EFCAB6: variants seen among roughly 807,000 people sequenced by gnomAD.
EFCAB6 encodes the protein EF-hand calcium-binding domain-containing protein 6.
Under a neutral mutation model 169.8 loss-of-function variants are expected in EFCAB6, and 156 were observed. The observed-to-expected ratio is 0.92, with a 90% CI of 0.81 to 1.05. EFCAB6 has a LOEUF of 1.05. Among genes scored for constraint, EFCAB6 ranks in the 50% least tolerant of loss-of-function variants. The pLI, the probability that EFCAB6 is intolerant of heterozygous loss-of-function variation, is 0.00. For synonymous variants in EFCAB6, 698 were observed against 676.4 expected, an observed-to-expected ratio of 1.03 and a Z score of -0.50; for missense variants, 1,800 against 1,829.1, an observed-to-expected ratio of 0.98 and a Z score of 0.29.
In EFCAB6 at chr22:43,628,994, A is replaced by G. The variant is rs2054728338; in HGVS notation, c.2233-2315T>C. On this transcript the variant is annotated intron_variant, in intron 19 of 31. Coordinates refer to ENST00000262726, the MANE Select transcript of EFCAB6 (RefSeq NM_022785.4). The surrounding 1 kb of genome is among the most constrained non-coding windows in gnomAD (Gnocchi z 4.8). ...GAGCAGCATTTCCTAGGCACAAAGC[A>G]CTCTGCTGGGTACACAGACACCATA... is the stretch of plus-strand genomic sequence containing the variant. Among the ~76,000 whole-genome samples, 3 of 151,996 alleles carry G rather than the reference A, an allele frequency of 2.0e-5. No homozygotes were observed. Among genetic ancestry groups the G allele is most frequent in the Admixed American group, 1.3e-4 (2 of 15,260 alleles).
intron 17 of EFCAB6, among the ~76,000 whole-genome samples, chr22:43,654,978 C>T (rs562425349): frequency 1.8e-4 from 28 of 152,298 alleles, no homozygotes; most frequent in Non-Finnish European, 3.5e-4. Context: ...ACATGTGAGG[C>T]CAGGCGCTGT....
intron 9 of EFCAB6, among the ~76,000 whole-genome samples, chr22:43,712,932 C>T (rs1490377965): frequency 2.6e-5 from 4 of 151,960 alleles, no homozygotes. Context: ...AAGTACAAGC[C>T]TTTGTTTAAA....
chr22:43,653,374 C>T (rs757426774), intron 17 of EFCAB6, among the ~76,000 whole-genome samples: 1 of 152,100 alleles, frequency 6.6e-6, no homozygotes, highest in Non-Finnish European at 1.5e-5. Flanking sequence ...GATTTATCAA[C>T]AAAACTGATA....
At chr22:43,627,901 A>C (rs1239626732) in intron 19 of EFCAB6, among the ~76,000 whole-genome samples, 1 of 152,162 alleles carries the variant, frequency 6.6e-6, no homozygotes, top group Non-Finnish European at 1.5e-5. Context: ...TCAGTACCTA[A>C]TATGTGCAAT....
At chr22:43,773,645 C>G (rs190946958) in intron 3 of EFCAB6, among the ~76,000 whole-genome samples, 1 of 152,274 alleles carries the variant, frequency 6.6e-6, no homozygotes, top group Non-Finnish European at 1.5e-5. Flanking sequence ...GTCAGGAGTT[C>G]GAGACCAGCC....
At chr22:43,601,388 T>C (rs1300272454) in intron 22 of EFCAB6, among the ~76,000 whole-genome samples, 1 of 152,236 alleles carries the variant, frequency 6.6e-6, no homozygotes, top group Non-Finnish European at 1.5e-5. Flanking sequence ...ATCTAATCGA[T>C]AAAAATGGCA....
At chr22:43,780,744 C>T (rs945082250) in intron 3 of EFCAB6, among the ~76,000 whole-genome samples, 6 of 152,102 alleles carry the variant, frequency 3.9e-5, no homozygotes, top group Non-Finnish European at 7.4e-5. Flanking sequence ...GGTAGACACA[C>T]GGTTGTTGGA....
At chr22:43,608,631 A>G (rs759946720) in intron 21 of EFCAB6, 31 bp from the exon 22 acceptor site, 3 of 1,598,180 alleles carry the variant, frequency 1.9e-6, no homozygotes, top group Non-Finnish European at 1.7e-6. Flanking sequence ...ATTTAGGAAC[A>G]TGTGAAATGT....
intron 20 of EFCAB6, among the ~76,000 whole-genome samples, chr22:43,617,671 G>A (rs1024691142): frequency 6.6e-6 from 1 of 152,130 alleles, no homozygotes; most frequent in South Asian, 2.1e-4. Context: ...CAGTCAGCTC[G>A]TTAGTCACAG....
At position 43,576,345 on chromosome 22, in the gene EFCAB6, A is replaced by G; in HGVS notation, c.3372T>C (p.Tyr1124=). 1 of 1,599,382 alleles carries G rather than the reference A, an allele frequency of 6.3e-7. No individual in the cohort carries two copies. The highest frequency in any genetic ancestry group is 8.5e-7 in the Non-Finnish European group (1 of 1,176,520). ...LRKLRIHLTP[Y]INWKYFLQNF... The stretch of plus-strand genomic sequence containing the variant: ...TCTGGAGAAAATATTTCCAATTTAT[A>G]TAGGGGGTTAGATGAATTCTTAGTT... The change falls in exon 26 of 32, where the codon TAT becomes TAC. Residue 1124 remains tyrosine, a synonymous_variant. Transcript: ENST00000262726.
At chr22:43,647,091 A>G (rs2056204076) in intron 17 of EFCAB6, among the ~76,000 whole-genome samples, 1 of 149,964 alleles carries the variant, frequency 6.7e-6, no homozygotes, top group African/African-American at 2.4e-5. Flanking sequence ...GGAACTTTGT[A>G]GTTTCCACTA....
chr22:43,777,671 A>G (rs914310862), intron 3 of EFCAB6, among the ~76,000 whole-genome samples: 3 of 151,902 alleles, frequency 2.0e-5, no homozygotes, highest in Non-Finnish European at 2.9e-5. Flanking sequence ...GTTAATGTAC[A>G]CCTCTGTCTT....
At chr22:43,710,563 T>C (rs1185878512) in intron 10 of EFCAB6, among the ~76,000 whole-genome samples, 1 of 152,194 alleles carries the variant, frequency 6.6e-6, no homozygotes, top group Non-Finnish European at 1.5e-5. Flanking sequence ...CTTTCTTATA[T>C]TAACTGTGTC....
chr22:43,716,731 G>T, intron 9 of EFCAB6, 117 bp downstream of exon 9: 1 of 1,285,962 alleles, frequency 7.8e-7, no homozygotes, highest in Non-Finnish European at 1.0e-6. Flanking sequence ...TATTGGAGAA[G>T]ACATAGGTAG....
chr22:43,710,899 A>G lies in EFCAB6; in HGVS notation c.1031+576T>C, dbSNP rs138571211. Among the ~76,000 whole-genome samples the G allele has an allele frequency of 2.0e-3, 309 of 152,318 alleles. 1 individual carries two copies. The highest frequency in any genetic ancestry group is 7.0e-3 in the African/African-American group (293 of 41,580). On this transcript the variant is annotated intron_variant, in intron 10 of 31. Coordinates refer to ENST00000262726, the MANE Select transcript of EFCAB6 (RefSeq NM_022785.4). ...CATGTAAAATGACACTGTGGGTTAC[A>G]AGCAGTCAAATGCAGATTGTAAGAA...
At chr22:43,633,869 C>T (rs1204766826) in intron 18 of EFCAB6, among the ~76,000 whole-genome samples, 3 of 152,206 alleles carry the variant, frequency 2.0e-5, no homozygotes, top group African/African-American at 7.2e-5. Flanking sequence ...CAGATAAACA[C>T]CCCCACCCCA....
intron 17 of EFCAB6, among the ~76,000 whole-genome samples, chr22:43,660,353 T>C (rs1046755361): frequency 1.3e-5 from 2 of 152,152 alleles, no homozygotes; most frequent in Non-Finnish European, 1.5e-5. Flanking sequence ...CCTGGTGCCA[T>C]GCTAAGTGTA....
At chr22:43,785,461 GATGAAA>G (rs2062043074) in intron 2 of EFCAB6, among the ~76,000 whole-genome samples, 1 of 152,076 alleles carries the variant, frequency 6.6e-6, no homozygotes, top group African/African-American at 2.4e-5. Flanking sequence ...GTTTTAGATG[GATGAAA>G]ATGAAGGCAC....
chr22:43,709,301 C>T (rs534491160), intron 10 of EFCAB6, among the ~76,000 whole-genome samples: 2 of 152,212 alleles, frequency 1.3e-5, no homozygotes, highest in South Asian at 2.1e-4. Context: ...AGGCTGGTCT[C>T]GAACTCCTGA....
Sources: allele counts gnomAD v4.1 joint callset (sites outside exome capture counted in the v4.1 genomes callset), GRCh38; gene constraint gnomAD v4.1.1; non-coding constraint Gnocchi (gnomAD v3.1); transcripts MANE v1.5; gene names NCBI Gene and HGNC (gene_info 2026-07-23, HGNC 2026-07-21).